Variants in CLECL1 observed in about 807,000 individuals in gnomAD.
CLECL1 encodes the protein C-type lectin-like domain family 1.
chr12:9,704,946 C>T, the CLECL1 span, among the ~76,000 whole-genome samples: 12 of 152,138 alleles, frequency 7.9e-5, no homozygotes, highest in Admixed American at 5.9e-4. Context: ...ATTGCTGGGT[C>T]GAATAGTAGT....
At chr12:9,731,701 G>A (rs1401837816) in intron 1 of CLECL1, among the ~76,000 whole-genome samples, 2 of 152,070 alleles carry the variant, frequency 1.3e-5, no homozygotes, top group African/African-American at 2.4e-5. Context: ...CATATAGTTC[G>A]TTTTCTCATT....
chr12:9,707,849 G>A, the CLECL1 span, among the ~76,000 whole-genome samples: 1 of 152,104 alleles, frequency 6.6e-6, no homozygotes, highest in Admixed American at 6.5e-5. Context: ...TTTCTTTATA[G>A]TGTTAAGAGT....
the CLECL1 span, chr12:9,708,999 T>TG: frequency 1.6e-5 from 3 of 183,874 alleles, no homozygotes; most frequent in Admixed American, 6.2e-5. Flanking sequence ...CACAAAGGGT[T>TG]GGCCAAATTA....
At chr12:9,710,169 C>A in the CLECL1 span, among the ~76,000 whole-genome samples, 27 of 152,224 alleles carry the variant, frequency 1.8e-4, no homozygotes, top group Admixed American at 6.5e-4. Context: ...GCACTAAATT[C>A]TTTCCTTTAA....
intron 2 of CLECL1, among the ~76,000 whole-genome samples, chr12:9,728,213 T>C (rs1022692829): frequency 6.6e-6 from 1 of 151,858 alleles, no homozygotes; most frequent in Admixed American, 6.6e-5. Context: ...TGATAATTTA[T>C]AGTCTCAGAA....
intron 1 of CLECL1, among the ~76,000 whole-genome samples, chr12:9,731,847 C>A (rs753772239): frequency 1.2e-4 from 18 of 152,150 alleles, no homozygotes; most frequent in Non-Finnish European, 2.2e-4. Flanking sequence ...AATGCGGAAT[C>A]AAAAATATTG....
At chr12:9,724,153 C>A (rs1204686300) in intron 3 of CLECL1, among the ~76,000 whole-genome samples, 1 of 144,880 alleles carries the variant, frequency 6.9e-6, no homozygotes, top group Non-Finnish European at 1.5e-5. Context: ...TGTCACACTG[C>A]ACTCCAGCCA....
At chr12:9,728,697 A>G (rs926052291) in intron 2 of CLECL1, among the ~76,000 whole-genome samples, 4 of 151,838 alleles carry the variant, frequency 2.6e-5, no homozygotes, top group African/African-American at 9.7e-5. Context: ...AGGGATTTTT[A>G]ATGCTAATTA....
downstream of CLECL1, among the ~76,000 whole-genome samples, chr12:9,714,036 G>A (rs118037855): frequency 0.017 from 2,516 of 152,260 alleles, 44 homozygotes; most frequent in Non-Finnish European, 0.022. Flanking sequence ...GCAAGTAGTC[G>A]AGAGCCAATC....
At chr12:9,703,005 C>G in the CLECL1 span, among the ~76,000 whole-genome samples, 1 of 152,130 alleles carries the variant, frequency 6.6e-6, no homozygotes, top group Non-Finnish European at 1.5e-5. Context: ...TAGTAGACAA[C>G]CCAGAAAAAT....
chr12:9,705,395 T>G, the CLECL1 span, among the ~76,000 whole-genome samples: 1 of 152,198 alleles, frequency 6.6e-6, no homozygotes, highest in Non-Finnish European at 1.5e-5. Flanking sequence ...GTGCAGAAGA[T>G]CTTTAGTTTA....
At chr12:9,707,861 T>A in the CLECL1 span, among the ~76,000 whole-genome samples, 1 of 152,250 alleles carries the variant, frequency 6.6e-6, no homozygotes, top group East Asian at 1.9e-4. Context: ...GTTAAGAGTT[T>A]TGTTACAGGC....
chr12:9,731,376 T>C (rs945181792), intron 1 of CLECL1, among the ~76,000 whole-genome samples: 3 of 152,236 alleles, frequency 2.0e-5, no homozygotes, highest in African/African-American at 7.2e-5. Context: ...TAATAGATTA[T>C]GTAGAAAGAT....
At chr12:9,726,184 G>A (rs907673003) in intron 3 of CLECL1, among the ~76,000 whole-genome samples, 17 of 151,818 alleles carry the variant, frequency 1.1e-4, no homozygotes, top group African/African-American at 4.1e-4. Context: ...TGGTCACCAA[G>A]GACTTTAGAT....
downstream of CLECL1, among the ~76,000 whole-genome samples, chr12:9,715,527 T>C (rs1866228994): frequency 6.6e-6 from 1 of 152,196 alleles, no homozygotes; most frequent in Non-Finnish European, 1.5e-5. Context: ...ATAATAGCTA[T>C]AAAATAAAAA....
At chr12:9,733,199 A>G (rs774073390), upstream of CLECL1, 2 of 1,613,796 alleles carry the variant, frequency 1.2e-6, no homozygotes, top group East Asian at 2.2e-5. Context: ...CAATGTGTTC[A>G]GTCTTACTAA....
At chr12:9,714,086 A>G (rs2401389), downstream of CLECL1, among the ~76,000 whole-genome samples, 146,298 of 152,262 alleles carry the variant, frequency 0.96, 70,404 homozygotes, top group East Asian at 1. Flanking sequence ...GTCTCTTGCC[A>G]GGCAAAAACA....
At chr12:9,718,711 A>C, downstream of CLECL1, 2 of 700,512 alleles carry the variant, frequency 2.9e-6, no homozygotes, top group Non-Finnish European at 2.6e-6. Flanking sequence ...GGATACACAG[A>C]GACATCAGAG....
At chr12:9,733,264 T>A (rs752096263), upstream of CLECL1, 1 of 1,585,650 alleles carries the variant, frequency 6.3e-7, no homozygotes. Flanking sequence ...TTACTAACCA[T>A]ACAGTAGGTT....
Sources: allele counts gnomAD v4.1 joint callset (sites outside exome capture counted in the v4.1 genomes callset), GRCh38; gene constraint gnomAD v4.1.1; transcripts MANE v1.5; gene names NCBI Gene and HGNC (gene_info 2026-07-23, HGNC 2026-07-21).